TIAM2: variants seen among roughly 807,000 people sequenced by gnomAD.
The protein encoded by TIAM2 is TIAM Rac1 associated GEF 2.
TIAM2 carries 80 observed loss-of-function variants against 152.9 expected under a neutral mutation model. The observed-to-expected ratio is 0.52, with a 90% CI of 0.44 to 0.63. The LOEUF (loss-of-function observed/expected upper bound fraction) is 0.63, where lower values mean the gene tolerates loss of function less well. Among genes scored for constraint, TIAM2 ranks in the 30% least tolerant of loss-of-function variants. The pLI, the probability that TIAM2 is intolerant of heterozygous loss-of-function variation, is 0.00. For synonymous variants in TIAM2, 804 were observed against 838.0 expected, an observed-to-expected ratio of 0.96 and a Z score of 0.70; for missense variants, 1,965 against 2,120.1, an observed-to-expected ratio of 0.93 and a Z score of 1.44.
At chr6:155,010,611 A>G (rs932494685) in intron 1 of TIAM2, among the ~76,000 whole-genome samples, 7 of 151,876 alleles carry the variant, frequency 4.6e-5, no homozygotes, top group African/African-American at 1.7e-4. Context: ...ATGCGCCACC[A>G]TGCCCGGCTA....
At position 155,158,851 on chromosome 6, in the gene TIAM2, G is replaced by A. The variant is rs186641958; in HGVS notation, c.2029-5564G>A. ...TAAGGAAACATCTAGAAACTTATCAGTATTTAAAGAATTTAGGAAAAGGGG... is the reference window on the plus strand; with the variant it reads ...TAAGGAAACATCTAGAAACTTATCAATATTTAAAGAATTTAGGAAAAGGGG... On this transcript the variant is annotated intron_variant, in intron 7 of 26. Transcript: ENST00000682666. Among the ~76,000 whole-genome samples the A allele has an allele frequency of 6.5e-3, 976 of 150,842 alleles. 5 individuals carry two copies. Among genetic ancestry groups the A allele is most frequent in the Non-Finnish European group, 0.011 (755 of 67,852 alleles).
At chr6:155,005,605 G>T (rs2114841256) in intron 1 of TIAM2, among the ~76,000 whole-genome samples, 1 of 151,736 alleles carries the variant, frequency 6.6e-6, no homozygotes, top group South Asian at 2.1e-4. Context: ...CTCTCAAAGT[G>T]CTGGGATTAC....
intron 7 of TIAM2, among the ~76,000 whole-genome samples, chr6:155,160,267 A>G (rs184465784): frequency 1.3e-3 from 204 of 152,282 alleles, no homozygotes; most frequent in African/African-American, 4.7e-3. Context: ...CAAGGGGGAA[A>G]AAAAGCCAGT....
chr6:155,120,966 T>C (rs1479382562), intron 2 of TIAM2, among the ~76,000 whole-genome samples: 1 of 152,214 alleles, frequency 6.6e-6, no homozygotes, highest in Non-Finnish European at 1.5e-5. Context: ...TATCTACTAA[T>C]GAGAGTGTAT....
At chr6:155,088,531 T>C (rs1050477032) in intron 1 of TIAM2, among the ~76,000 whole-genome samples, 9 of 152,380 alleles carry the variant, frequency 5.9e-5, no homozygotes, top group African/African-American at 2.2e-4. Context: ...TTATGTGCAT[T>C]ATTTCATTAA....
At chr6:155,221,620 C>A (rs1317882389) in intron 15 of TIAM2, among the ~76,000 whole-genome samples, 1 of 152,162 alleles carries the variant, frequency 6.6e-6, no homozygotes, top group African/African-American at 2.4e-5. Flanking sequence ...CAGCTCCCTG[C>A]AACTTAGGTG....
chr6:155,175,677 C>A (rs1256127362), intron 9 of TIAM2, among the ~76,000 whole-genome samples: 1 of 152,176 alleles, frequency 6.6e-6, no homozygotes, highest in African/African-American at 2.4e-5. Flanking sequence ...AGCCCCAAAT[C>A]TTTTCTTTAC....
intron 10 of TIAM2, among the ~76,000 whole-genome samples, chr6:155,178,159 T>C: frequency 8.6e-6 from 1 of 116,418 alleles, no homozygotes; most frequent in Non-Finnish European, 1.6e-5. Context: ...AGACTCCGTC[T>C]CAAATTAAAA....
chr6:155,226,639 TG>T (rs1001837765), intron 15 of TIAM2, among the ~76,000 whole-genome samples: 11 of 124,066 alleles, frequency 8.9e-5, no homozygotes, highest in Non-Finnish European at 1.4e-4. Context: ...CACTCCAGCC[TG>T]AGCAACAAGA....
chr6:155,254,632 A>C (rs1349191091), intron 26 of TIAM2, 59 bp downstream of exon 26: 2 of 1,579,718 alleles, frequency 1.3e-6, no homozygotes, highest in Admixed American at 3.4e-5. Context: ...TCTGAAAAGG[A>C]TATATGCTCT....
Position 155,256,706 on chromosome 6 carries a change from A to G in TIAM2, c.4691A>G (p.Glu1564Gly). 5 of 1,614,192 alleles carry G rather than the reference A, an allele frequency of 3.1e-6. No individual in the cohort carries two copies. Among genetic ancestry groups the G allele is most frequent in the Non-Finnish European group, 4.2e-6 (5 of 1,180,034 alleles). Residue 1564 changes from glutamate (E) to glycine (G), a missense_variant, in exon 27 of 27, where the codon GAG (glutamate) becomes GGG (glycine). Around this residue, in one of 3 missense-constraint regions of TIAM2, gnomAD observed 935 missense variants for 980.0 expected, o/e 0.95. Transcript: ENST00000682666. ...LADFADNLIK[E>G]SDILSDEDDD... ...GATTTTGCCGACAATCTCATCAAAGAGAGTGACATCCTGAGCGATGAAGAT... is the reference window on the plus strand; with the variant it reads ...GATTTTGCCGACAATCTCATCAAAGGGAGTGACATCCTGAGCGATGAAGAT...
chr6:155,114,942 C>A (rs1778975811), intron 2 of TIAM2, among the ~76,000 whole-genome samples: 1 of 152,120 alleles, frequency 6.6e-6, no homozygotes, highest in South Asian at 2.1e-4. Flanking sequence ...ATTCTCCTGT[C>A]TCAGCCTCCC....
intron 9 of TIAM2, among the ~76,000 whole-genome samples, chr6:155,169,202 A>G (rs190816460): frequency 1.3e-5 from 2 of 152,236 alleles, no homozygotes; most frequent in Non-Finnish European, 2.9e-5. Flanking sequence ...TCACCGTGTT[A>G]GCCACGATGG....
chr6:155,155,620 G>A (rs1052035312), intron 7 of TIAM2, among the ~76,000 whole-genome samples: 4 of 152,142 alleles, frequency 2.6e-5, no homozygotes, highest in African/African-American at 4.8e-5. Flanking sequence ...GATTACAGGC[G>A]TACGCCACCA....
intron 15 of TIAM2, among the ~76,000 whole-genome samples, chr6:155,236,444 C>A (rs1272474318): frequency 1.3e-5 from 2 of 152,068 alleles, no homozygotes; most frequent in African/African-American, 4.8e-5. Flanking sequence ...GGGCAGATCA[C>A]CTGAGGTCAG....
Position 155,098,620 on chromosome 6 carries a change from C to A in TIAM2, c.-118+8241C>A, listed in dbSNP as rs1309526433. 2.6e-5 allele frequency among the ~76,000 whole-genome samples: 4 copies of A among 152,166 alleles called. No homozygotes were observed. In the East Asian group the frequency reaches 5.8e-4, roughly 22 times the overall value. On this transcript the variant is annotated intron_variant, in intron 2 of 26. Coordinates refer to ENST00000682666, the MANE Select transcript of TIAM2 (RefSeq NM_012454.4). The stretch of plus-strand genomic sequence containing the variant: ...AATATAAAACCATGTCATGTGTGAA[C>A]AAAGGCTACTTTGAACAAAAGGGTA...
At chr6:155,061,270 GTATC>G (rs1562304510) in intron 1 of TIAM2, among the ~76,000 whole-genome samples, 3 of 146,840 alleles carry the variant, frequency 2.0e-5, no homozygotes, top group African/African-American at 5.5e-5. Flanking sequence ...TTATATTTCT[GTATC>G]TATCTGTACA....
chr6:155,108,983 CTTTTTTG>C (rs1456590861), intron 2 of TIAM2, among the ~76,000 whole-genome samples: 3 of 152,008 alleles, frequency 2.0e-5, no homozygotes, highest in Non-Finnish European at 2.9e-5. Context: ...TCAACTTTTT[CTTTTTTG>C]TTTTTTGTTT....
intron 5 of TIAM2, among the ~76,000 whole-genome samples, 158 bp downstream of exon 5, chr6:155,137,770 G>A (rs780327534): frequency 6.6e-5 from 10 of 152,220 alleles, no homozygotes; most frequent in Non-Finnish European, 1.2e-4. Flanking sequence ...TCTCACACCC[G>A]TGAAATAGGC....
Sources: gnomAD v4.1 joint callset for allele counts (sites outside exome capture counted in the v4.1 genomes callset) on GRCh38, gnomAD v4.1.1 for gene constraint, gnomAD v4.1.1 regional missense constraint, MANE v1.5 for transcripts, NCBI Gene and HGNC (gene_info 2026-07-23, HGNC 2026-07-21) for gene names.